The following MERTK variants were observed in gnomAD, a reference collection of about 807,000 sequenced individuals.
MERTK encodes tyrosine-protein kinase Mer.
In MERTK, 69 loss-of-function variants were observed where a neutral mutation model predicts 99.3. The ratio of observed to expected loss-of-function variants is 0.70; its 90% CI spans 0.57 to 0.85. MERTK has a LOEUF of 0.85. Among genes scored for constraint, MERTK ranks in the 40% least tolerant of loss-of-function variants. The pLI is 0.00. For missense variants in MERTK, 1,125 were observed against 1,249.4 expected (o/e 0.90, Z 1.50); for synonymous variants, 426 against 467.6 (o/e 0.91, Z 1.15).
intron 15 of MERTK, among the ~76,000 whole-genome samples, chr2:112,013,019 T>C (rs1191332302): frequency 2.0e-5 from 3 of 152,160 alleles, no homozygotes; most frequent in African/African-American, 4.8e-5. Flanking sequence ...GGGAGGGTAC[T>C]TTTGCTTTGC....
intron 2 of MERTK, among the ~76,000 whole-genome samples, chr2:111,932,943 G>A (rs1233068783): frequency 6.6e-6 from 1 of 152,106 alleles, no homozygotes; most frequent in African/African-American, 2.4e-5. Context: ...GAGTGTTTTT[G>A]GTTGGAGATG....
intron 4 of MERTK, among the ~76,000 whole-genome samples, chr2:111,949,545 C>T (rs1372719384): frequency 6.6e-6 from 1 of 152,156 alleles, no homozygotes; most frequent in Non-Finnish European, 1.5e-5. Flanking sequence ...ATAGACTCTA[C>T]CCTTTATAGG....
intron 2 of MERTK, among the ~76,000 whole-genome samples, chr2:111,931,634 C>T (rs1023523866): frequency 6.7e-6 from 1 of 149,718 alleles, no homozygotes; most frequent in African/African-American, 2.5e-5. Context: ...TGCAGTAAGC[C>T]AAGATTGCAC....
intron 4 of MERTK, among the ~76,000 whole-genome samples, chr2:111,953,126 T>G (rs1442858149): frequency 6.6e-6 from 1 of 152,170 alleles, no homozygotes; most frequent in African/African-American, 2.4e-5. Flanking sequence ...TGCTTCTGAA[T>G]GTGGGTGTGC....
chr2:111,912,594 G>A (rs1684271615), intron 1 of MERTK, among the ~76,000 whole-genome samples: 1 of 152,098 alleles, frequency 6.6e-6, no homozygotes, highest in Admixed American at 6.6e-5. Flanking sequence ...TATGTTGCCA[G>A]TCCTGCACAT....
intron 2 of MERTK, among the ~76,000 whole-genome samples, chr2:111,934,158 T>C (rs1482047789): frequency 6.6e-6 from 1 of 152,202 alleles, no homozygotes; most frequent in Non-Finnish European, 1.5e-5. Flanking sequence ...GTCTTTGCTA[T>C]TGAGAATGAT....
At chr2:111,943,848 T>C (rs193165564) in intron 2 of MERTK, among the ~76,000 whole-genome samples, 4 of 152,024 alleles carry the variant, frequency 2.6e-5, no homozygotes. Context: ...TCTCAGGAGG[T>C]CATTTGGGAT....
intron 11 of MERTK, among the ~76,000 whole-genome samples, chr2:112,001,952 A>G (rs1676878894): frequency 6.6e-6 from 1 of 152,046 alleles, no homozygotes; most frequent in South Asian, 2.1e-4. Context: ...ACTTTTAGAT[A>G]TCCTCAATTT....
intron 9 of MERTK, among the ~76,000 whole-genome samples, chr2:111,995,906 CATTGTACT>C (rs1189891068): frequency 1.3e-5 from 2 of 152,140 alleles, no homozygotes; most frequent in Non-Finnish European, 2.9e-5. Flanking sequence ...AAGATCACAC[CATTGTACT>C]CCTGGCTGGG....
intron 13 of MERTK, among the ~76,000 whole-genome samples, chr2:112,004,960 C>G (rs1467850507): frequency 6.6e-6 from 1 of 152,110 alleles, no homozygotes; most frequent in Non-Finnish European, 1.5e-5. Context: ...CCAGAAAGTT[C>G]ACTTTGATGT....
chr2:111,936,871 T>A (rs1684773606), intron 2 of MERTK, among the ~76,000 whole-genome samples: 1 of 152,106 alleles, frequency 6.6e-6, no homozygotes, highest in Non-Finnish European at 1.5e-5. Context: ...TATAATTAGC[T>A]CTGATGTCTA....
chr2:111,969,678 C>T (rs2104727070), intron 6 of MERTK, among the ~76,000 whole-genome samples: 1 of 148,854 alleles, frequency 6.7e-6, no homozygotes, highest in South Asian at 2.1e-4. Flanking sequence ...CACCCACCAC[C>T]TCCAGCCTTT....
At chr2:111,912,458 T>C (rs1183685026) in intron 1 of MERTK, among the ~76,000 whole-genome samples, 2 of 152,186 alleles carry the variant, frequency 1.3e-5, no homozygotes, top group Non-Finnish European at 2.9e-5. Flanking sequence ...TTTTAATAAA[T>C]ATAGGTATCA....
In MERTK at chr2:111,965,821, A is replaced by ATCCCTCTTCCTCCTAAAC. The variant is rs1271096134; in HGVS notation, c.844+557_844+574dup. Among the ~76,000 whole-genome samples the ATCCCTCTTCCTCCTAAAC allele has an allele frequency of 8.5e-5, 13 of 152,262 alleles. 1 individual carries two copies. The South Asian group carries it at 2.7e-3, about 32-fold the overall frequency. On this transcript the variant is annotated intron_variant, in intron 5 of 18. Coordinates refer to ENST00000295408, the MANE Select transcript of MERTK (RefSeq NM_006343.3). ...TCACTCTTTGGAGCCCAATGCTCCTATCCCTCTTCCTCCTAAACTCCCTCT... is the reference window on the plus strand; with the variant it reads ...TCACTCTTTGGAGCCCAATGCTCCTATCCCTCTTCCTCCTAAACTCCCTCTTCCTCCTAAACTCCCTCT...
chr2:111,999,031 G>A (rs995867187), intron 10 of MERTK, among the ~76,000 whole-genome samples: 8 of 151,698 alleles, frequency 5.3e-5, no homozygotes, highest in Admixed American at 1.3e-4. Flanking sequence ...AGATTATATC[G>A]AATAGTCAAA....
intron 5 of MERTK, among the ~76,000 whole-genome samples, chr2:111,966,999 A>G (rs956079732): frequency 3.3e-4 from 50 of 152,278 alleles, no homozygotes; most frequent in African/African-American, 1.1e-3. Context: ...CAGTGCTGGT[A>G]CTATCCCCAT....
intron 4 of MERTK, among the ~76,000 whole-genome samples, chr2:111,962,978 T>C (rs1685279363): frequency 6.6e-6 from 1 of 152,134 alleles, no homozygotes; most frequent in Non-Finnish European, 1.5e-5. Flanking sequence ...GTTCAGCATA[T>C]GGAGGATCCT....
rs1229297608 is a variant in MERTK at position 111,944,628 on chromosome 2, CA to C, written c.483-331del. Reference sequence around the variant, plus strand: ...GATGTTGCAGTCTTGAGTCCTCAGGCAGTTTGGAAACAGAAGCCCCTCTTTC... The same window carrying C: ...GATGTTGCAGTCTTGAGTCCTCAGGCGTTTGGAAACAGAAGCCCCTCTTTC... On this transcript the variant is annotated intron_variant, in intron 2 of 18. Coordinates refer to ENST00000295408, the MANE Select transcript of MERTK (RefSeq NM_006343.3). Among the ~76,000 whole-genome samples the C allele has an allele frequency of 2.1e-3, 4 of 1,880 alleles. No homozygotes were observed. The African/African-American group carries it at 0.041, about 19-fold the overall frequency. 1.2% of individuals were successfully genotyped at this position (1,880 alleles called of 152,430 possible).
intron 8 of MERTK, among the ~76,000 whole-genome samples, chr2:111,989,785 A>G (rs1233198028): frequency 1.3e-5 from 2 of 152,216 alleles, no homozygotes; most frequent in Non-Finnish European, 2.9e-5. Flanking sequence ...CTTTCCAAAG[A>G]TGTGTTATTA....
Sources: gnomAD v4.1 joint callset for allele counts (sites outside exome capture counted in the v4.1 genomes callset) on GRCh38, gnomAD v4.1.1 for gene constraint, MANE v1.5 for transcripts, NCBI Gene and HGNC (gene_info 2026-07-23, HGNC 2026-07-21) for gene names.